Variants in KCNMB2 observed in about 807,000 individuals in gnomAD.
KCNMB2 encodes the protein calcium-activated potassium channel subunit beta-2.
Under a neutral mutation model 24.5 loss-of-function variants are expected in KCNMB2, and 9 were observed. That is an observed-to-expected ratio of 0.37 (90% CI 0.22 to 0.64). The LOEUF (loss-of-function observed/expected upper bound fraction) is 0.64, where lower values mean the gene tolerates loss of function less well. KCNMB2 is among the 30% of genes least tolerant of loss of function. The probability of loss-of-function intolerance (pLI) is 0.63; values close to 1 mark genes in which losing one functional copy is unlikely to be tolerated. For synonymous variants in KCNMB2, 109 were observed against 104.4 expected (o/e 1.04, Z -0.27); for missense variants, 226 against 284.3 (o/e 0.79, Z 1.47).
At chr3:178,771,701 T>C (rs563138909) in intron 1 of KCNMB2, among the ~76,000 whole-genome samples, 2 of 152,170 alleles carry the variant, frequency 1.3e-5, no homozygotes, top group South Asian at 4.1e-4. Context: ...ACTTTGCTTC[T>C]TTGCTGTTCT....
rs1723308656 is a variant in KCNMB2, at chr3:178,736,133, T to C, written c.-67-71210T>C. On this transcript the variant is annotated intron_variant, in intron 1 of 4. Transcript: ENST00000452583. ...CTAGGCTGCAAACCCAACACTCCCC[T>C]GGACGCTGAATAAATGTCTTTTCCA... is the stretch of plus-strand genomic sequence containing the variant. Among the ~76,000 whole-genome samples the C allele has an allele frequency of 2.0e-5, 3 of 152,228 alleles. No individual in the cohort carries two copies. In the South Asian group the frequency reaches 6.2e-4, roughly 32 times the overall value.
intron 1 of KCNMB2, among the ~76,000 whole-genome samples, chr3:178,585,066 A>G (rs531737883): frequency 8.4e-4 from 128 of 152,324 alleles, no homozygotes; most frequent in African/African-American, 2.8e-3. Context: ...ATCTACAGAA[A>G]AGTCATCTGA....
chr3:178,670,985 A>G (rs1384076898), intron 1 of KCNMB2, among the ~76,000 whole-genome samples: 2 of 152,150 alleles, frequency 1.3e-5, no homozygotes, highest in African/African-American at 2.4e-5. Context: ...TGGAGCAAGT[A>G]ACAGGTGACA....
At chr3:178,577,168 G>A (rs1437626533) in intron 1 of KCNMB2, among the ~76,000 whole-genome samples, 2 of 152,148 alleles carry the variant, frequency 1.3e-5, no homozygotes, top group African/African-American at 4.8e-5. Flanking sequence ...CCAAAGGAAG[G>A]AACAAGGAGC....
intron 1 of KCNMB2, among the ~76,000 whole-genome samples, chr3:178,691,594 T>C (rs1721678223): frequency 6.6e-6 from 1 of 152,226 alleles, no homozygotes; most frequent in African/African-American, 2.4e-5. Context: ...AACCTCATTC[T>C]TTTTATGGCT....
chr3:178,616,479 G>T (rs1323139307), intron 1 of KCNMB2, among the ~76,000 whole-genome samples: 1 of 152,150 alleles, frequency 6.6e-6, no homozygotes. Context: ...CCTCGAAATT[G>T]CTGTGTTCTC....
intron 1 of KCNMB2, among the ~76,000 whole-genome samples, chr3:178,648,579 T>C (rs1720001263): frequency 6.6e-6 from 1 of 152,122 alleles, no homozygotes; most frequent in Non-Finnish European, 1.5e-5. Context: ...ACATAAAAAA[T>C]AAGTCATTTC....
At chr3:178,776,462 C>T (rs151302836) in intron 1 of KCNMB2, among the ~76,000 whole-genome samples, 1,632 of 152,274 alleles carry the variant, frequency 0.011, 12 homozygotes, top group Non-Finnish European at 0.017. Flanking sequence ...CTCAACATTA[C>T]CTTCACAGTA....
chr3:178,716,647 T>C (rs964932883), intron 1 of KCNMB2, among the ~76,000 whole-genome samples: 2 of 152,142 alleles, frequency 1.3e-5, no homozygotes, highest in African/African-American at 2.4e-5. Context: ...TTTGCCATGT[T>C]GGCCAGGCTG....
intron 1 of KCNMB2, among the ~76,000 whole-genome samples, chr3:178,788,001 T>C (rs997841132): frequency 6.6e-6 from 1 of 152,156 alleles, no homozygotes; most frequent in Non-Finnish European, 1.5e-5. Flanking sequence ...ATTATGTACA[T>C]AGGTCTAGAG....
intron 1 of KCNMB2, among the ~76,000 whole-genome samples, chr3:178,560,867 C>T (rs190969291): frequency 5.3e-4 from 80 of 152,314 alleles, no homozygotes; most frequent in Non-Finnish European, 8.7e-4. Flanking sequence ...AACACAGCTG[C>T]TAAACAACAG....
At chr3:178,833,162 T>C (rs1390755768) in intron 4 of KCNMB2, among the ~76,000 whole-genome samples, 1 of 152,190 alleles carries the variant, frequency 6.6e-6, no homozygotes, top group Non-Finnish European at 1.5e-5. Context: ...AGGACCTATC[T>C]ATTTCAGGCT....
Position 178,759,757 on chromosome 3 carries a change from T to TACAC in KCNMB2, c.-67-47585_-67-47584insCACA, listed in dbSNP as rs1553775164. 5.8e-3 allele frequency among the ~76,000 whole-genome samples: 172 copies of TACAC among 29,626 alleles called. 28 individuals are homozygous for TACAC. The highest frequency in any genetic ancestry group is 0.015 in the African/African-American group (81 of 5,532). The allele number at this position is 29,626 out of a possible 152,430, so 19.4% of individuals were successfully genotyped here. ...ATATATATCCAAGAGGATATATCTA[T>TACAC]ATATATATATCCAAGAGGATATATC... is the stretch of plus-strand genomic sequence containing the variant. On this transcript the variant is annotated intron_variant, in intron 1 of 4. Coordinates refer to ENST00000452583, the MANE Select transcript of KCNMB2 (RefSeq NM_181361.3).
rs191348005 is a variant in KCNMB2 at position 178,624,012 on chromosome 3, C to T, written c.-68+87301C>T. On this transcript the variant is annotated intron_variant, in intron 1 of 4. Transcript: ENST00000452583. ...GATAAATTACATCAGACACAGCTGC[C>T]CCTTTCAGTGCCTCAAGTTTCATGT... 2.3e-4 allele frequency among the ~76,000 whole-genome samples: 35 copies of T among 152,268 alleles called. 2 individuals carry two copies. In the East Asian group the frequency reaches 6.6e-3, roughly 29 times the overall value.
chr3:178,668,311 A>G (rs1408243520), intron 1 of KCNMB2, among the ~76,000 whole-genome samples: 1 of 152,140 alleles, frequency 6.6e-6, no homozygotes. Context: ...AAGGGTCCAC[A>G]ATATTTTCAG....
At chr3:178,724,065 C>T (rs772337789) in intron 1 of KCNMB2, among the ~76,000 whole-genome samples, 1 of 152,152 alleles carries the variant, frequency 6.6e-6, no homozygotes, top group Non-Finnish European at 1.5e-5. Flanking sequence ...CTCCAAACTG[C>T]TTTCCCCAGG....
intron 1 of KCNMB2, among the ~76,000 whole-genome samples, chr3:178,564,569 C>A (rs1716448515): frequency 6.6e-6 from 1 of 152,180 alleles, no homozygotes; most frequent in Admixed American, 6.5e-5. Context: ...CCACTTCTAG[C>A]AGGCACAGTG....
intron 1 of KCNMB2, among the ~76,000 whole-genome samples, chr3:178,708,634 A>G (rs1030622283): frequency 6.6e-6 from 1 of 152,128 alleles, no homozygotes; most frequent in African/African-American, 2.4e-5. Flanking sequence ...ATCACCTACA[A>G]CTTATTGAGT....
intron 1 of KCNMB2, among the ~76,000 whole-genome samples, chr3:178,571,713 G>A (rs972173426): frequency 1.3e-5 from 2 of 151,480 alleles, no homozygotes; most frequent in Non-Finnish European, 2.9e-5. Context: ...GCCCCGGTGT[G>A]TGATGTTGCC....
Sources: gnomAD v4.1 joint callset for allele counts (sites outside exome capture counted in the v4.1 genomes callset) on GRCh38, gnomAD v4.1.1 for gene constraint, MANE v1.5 for transcripts, NCBI Gene and HGNC (gene_info 2026-07-23, HGNC 2026-07-21) for gene names.